The following ATP8B4 variants were observed in gnomAD, a reference collection of about 807,000 sequenced individuals.
The protein encoded by ATP8B4 is probable phospholipid-transporting ATPase IM.
Under a neutral mutation model 145.6 loss-of-function variants are expected in ATP8B4, and 133 were observed. That is an observed-to-expected ratio of 0.91 (90% CI 0.79 to 1.05). The LOEUF (loss-of-function observed/expected upper bound fraction) is 1.05. Among genes scored for constraint, ATP8B4 ranks in the 50% least tolerant of loss-of-function variants. The pLI, the probability that ATP8B4 is intolerant of heterozygous loss-of-function variation, is 0.00. For missense variants in ATP8B4, 1,458 were observed against 1,425.2 expected, an observed-to-expected ratio of 1.02 and a Z score of -0.37; for synonymous variants, 507 against 492.9, an observed-to-expected ratio of 1.03 and a Z score of -0.38.
chr15:50,150,544 T>C (rs903142131), intron 1 of ATP8B4, among the ~76,000 whole-genome samples: 2 of 152,218 alleles, frequency 1.3e-5, no homozygotes, highest in Non-Finnish European at 2.9e-5. Context: ...TTGGAAGGAA[T>C]GATTGGTGAC....
chr15:50,079,751 T>C (rs1413374365), intron 2 of ATP8B4, among the ~76,000 whole-genome samples: 1 of 152,228 alleles, frequency 6.6e-6, no homozygotes, highest in Non-Finnish European at 1.5e-5. Flanking sequence ...TTTTGGGATA[T>C]TTGAATGAAT....
chr15:49,925,385 G>A (rs1337039516), intron 16 of ATP8B4, among the ~76,000 whole-genome samples: 2 of 151,892 alleles, frequency 1.3e-5, no homozygotes, highest in African/African-American at 4.8e-5. Context: ...CACATGTCAC[G>A]TGGCTTCTGC....
chr15:49,985,956 A>G (rs948228050), intron 10 of ATP8B4, among the ~76,000 whole-genome samples: 1 of 152,236 alleles, frequency 6.6e-6, no homozygotes, highest in South Asian at 2.1e-4. Flanking sequence ...AAATAATAAT[A>G]ACAATAAATA....
At chr15:49,917,845 TA>T (rs1010172576) in intron 19 of ATP8B4, among the ~76,000 whole-genome samples, 1 of 152,096 alleles carries the variant, frequency 6.6e-6, no homozygotes, top group African/African-American at 2.4e-5. Context: ...CCACAGAAAT[TA>T]AAGCTAAATA....
At chr15:50,103,039 A>T (rs1042883929) in intron 2 of ATP8B4, among the ~76,000 whole-genome samples, 6 of 152,224 alleles carry the variant, frequency 3.9e-5, no homozygotes, top group African/African-American at 1.4e-4. Flanking sequence ...GACAAAATCC[A>T]GCATCCCTTT....
At chr15:49,917,278 C>G in intron 19 of ATP8B4, 1 of 441,172 alleles carries the variant, frequency 2.3e-6, no homozygotes, top group Non-Finnish European at 4.0e-6. Flanking sequence ...AACGAATGTG[C>G]AGCCTTCTCA....
chr15:49,954,635 C>A (rs2043396191), intron 14 of ATP8B4, among the ~76,000 whole-genome samples: 1 of 152,104 alleles, frequency 6.6e-6, no homozygotes, highest in Non-Finnish European at 1.5e-5. Flanking sequence ...TACCATCTCA[C>A]ACCAGTCAGA....
chr15:50,063,184 A>T (rs1448777615), intron 3 of ATP8B4, among the ~76,000 whole-genome samples: 1 of 152,154 alleles, frequency 6.6e-6, no homozygotes, highest in Non-Finnish European at 1.5e-5. Context: ...TCATTATAGA[A>T]ATTGGAACTA....
intron 2 of ATP8B4, among the ~76,000 whole-genome samples, chr15:50,084,308 C>G (rs575958336): frequency 6.6e-6 from 1 of 152,276 alleles, no homozygotes; most frequent in East Asian, 1.9e-4. Flanking sequence ...CTTTATTTAC[C>G]TATTCATGAC....
At chr15:50,061,737 G>A (rs985232924) in intron 3 of ATP8B4, among the ~76,000 whole-genome samples, 2 of 152,144 alleles carry the variant, frequency 1.3e-5, no homozygotes, top group African/African-American at 2.4e-5. Flanking sequence ...AATCCAGACA[G>A]GGATTCAAAG....
intron 12 of ATP8B4, among the ~76,000 whole-genome samples, chr15:49,973,285 T>C (rs561068379): frequency 1.3e-5 from 2 of 152,322 alleles, no homozygotes; most frequent in Admixed American, 6.5e-5. Context: ...CAGTTCACAA[T>C]AGGGTTTGCA....
chr15:49,922,431 T>C, intron 17 of ATP8B4: 1 of 440,810 alleles, frequency 2.3e-6, no homozygotes, highest in Non-Finnish European at 4.5e-6. Context: ...AGAAAATCAA[T>C]TCTCTATTGG....
chr15:50,014,421 A>G (rs1363316411), intron 6 of ATP8B4, among the ~76,000 whole-genome samples: 1 of 152,184 alleles, frequency 6.6e-6, no homozygotes, highest in Non-Finnish European at 1.5e-5. Flanking sequence ...AAATAAATTA[A>G]GGAGTATAGA....
rs115887548 is a variant in ATP8B4, at chr15:50,074,134, T to C, written c.80A>G (p.Gln27Arg). 27 of 1,612,784 alleles carry C rather than the reference T, an allele frequency of 1.7e-5. No homozygotes were observed. The highest frequency in any genetic ancestry group is 1.3e-4 in the African/African-American group (10 of 75,018). The change falls in exon 3 of 28, where the codon CAG becomes CGG. Residue 27 changes from glutamine to arginine, a missense_variant. Gln to Arg is a conservative substitution (Grantham distance 43). Coordinates refer to ENST00000284509, the MANE Select transcript of ATP8B4 (RefSeq NM_024837.4). ...ANDREYNEKF[Q>R]YADNRIHTSK... ...TATGTGTGTTTCACTTACCGCATAC[T>C]GGAACTTTTCATTATATTCACGGTC...
At chr15:50,089,829 A>T (rs1052217551) in intron 2 of ATP8B4, among the ~76,000 whole-genome samples, 1 of 152,136 alleles carries the variant, frequency 6.6e-6, no homozygotes, top group African/African-American at 2.4e-5. Flanking sequence ...CTACGGGCAG[A>T]AATACCATTT....
At chr15:50,094,263 A>G (rs899286696) in intron 2 of ATP8B4, among the ~76,000 whole-genome samples, 2 of 152,100 alleles carry the variant, frequency 1.3e-5, no homozygotes, top group Non-Finnish European at 2.9e-5. Context: ...GGCTGAGTAG[A>G]AGGAACTCCT....
chr15:49,876,577 C>T lies in ATP8B4; in HGVS notation c.2782-54G>A, dbSNP rs111622312. On this transcript the variant is annotated intron_variant, in intron 24 of 27. Transcript: ENST00000284509. ...AAGGATTAAAAAGAGTCAGAGAGGC[C>T]TTGTATTCCCTATCTTCAGAAATAG... 758 of 1,602,180 alleles carry T rather than the reference C, an allele frequency of 4.7e-4. 4 individuals carry two copies. In the African/African-American group the frequency reaches 9.6e-3, roughly 20 times the overall value.
At chr15:50,166,853 G>A (rs1375705035) in intron 1 of ATP8B4, among the ~76,000 whole-genome samples, 3 of 152,166 alleles carry the variant, frequency 2.0e-5, no homozygotes, top group African/African-American at 7.2e-5. Context: ...ATGGGGGGTT[G>A]GGGGTTGGAA....
intron 20 of ATP8B4, chr15:49,902,425 T>A (rs1022441724): frequency 6.6e-6 from 1 of 152,206 alleles, no homozygotes; most frequent in African/African-American, 2.4e-5. Context: ...ATTGTTTACA[T>A]ACTAAGTTTA....
Sources: gnomAD v4.1 joint callset for allele counts (sites outside exome capture counted in the v4.1 genomes callset) on GRCh38, gnomAD v4.1.1 for gene constraint, MANE v1.5 for transcripts, NCBI Gene and HGNC (gene_info 2026-07-23, HGNC 2026-07-21) for gene names.